Variants in IMMP2L observed in about 807,000 individuals in gnomAD.
IMMP2L encodes mitochondrial inner membrane protease subunit 2.
IMMP2L carries 18 observed loss-of-function variants against 19.3 expected under a neutral mutation model. That is an observed-to-expected ratio of 0.93 (90% CI 0.64 to 1.38). IMMP2L has a LOEUF of 1.38. Ranked by LOEUF, IMMP2L falls within the 40% of genes most tolerant of loss-of-function variation. IMMP2L has a pLI of 0.00. For missense variants in IMMP2L, 233 were observed against 218.2 expected, an observed-to-expected ratio of 1.07 and a Z score of -0.43; for synonymous variants, 76 against 73.0, an observed-to-expected ratio of 1.04 and a Z score of -0.21.
At chr7:110,819,069 C>T (rs1434385939) in intron 5 of IMMP2L, among the ~76,000 whole-genome samples, 2 of 151,616 alleles carry the variant, frequency 1.3e-5, no homozygotes, top group East Asian at 3.9e-4. Context: ...TGTAACAAAC[C>T]TGCACATTGT....
intron 4 of IMMP2L, among the ~76,000 whole-genome samples, chr7:110,908,169 C>G (rs1012599982): frequency 6.6e-6 from 1 of 152,124 alleles, no homozygotes; most frequent in Non-Finnish European, 1.5e-5. Flanking sequence ...AAAGCCTTAT[C>G]TTTATAAACA....
intron 3 of IMMP2L, among the ~76,000 whole-genome samples, chr7:111,273,986 G>A (rs1194678154): frequency 2.0e-5 from 3 of 151,966 alleles, no homozygotes; most frequent in African/African-American, 7.3e-5. Context: ...AGTTTCTTCA[G>A]TCAACATATA....
intron 3 of IMMP2L, among the ~76,000 whole-genome samples, chr7:111,334,418 A>C (rs955479175): frequency 6.6e-6 from 1 of 152,076 alleles, no homozygotes; most frequent in Non-Finnish European, 1.5e-5. Flanking sequence ...TGGCAGAATA[A>C]TATTCCACTG....
At chr7:111,348,820 C>T (rs889870148) in intron 3 of IMMP2L, among the ~76,000 whole-genome samples, 1 of 152,054 alleles carries the variant, frequency 6.6e-6, no homozygotes, top group African/African-American at 2.4e-5. Context: ...ACTCTGACAT[C>T]CAAGGGTTCT....
At chr7:111,182,302 G>C (rs1311353563) in intron 3 of IMMP2L, among the ~76,000 whole-genome samples, 2 of 151,912 alleles carry the variant, frequency 1.3e-5, no homozygotes, top group Admixed American at 6.6e-5. Context: ...TTGTTTTCTA[G>C]TTTCTATTAC....
At chr7:110,881,017 A>T (rs927064227) in intron 5 of IMMP2L, among the ~76,000 whole-genome samples, 2 of 152,104 alleles carry the variant, frequency 1.3e-5, no homozygotes, top group Non-Finnish European at 2.9e-5. Context: ...GGGTGACATT[A>T]TTTATTTCAC....
At chr7:111,249,889 T>C (rs1361390958) in intron 3 of IMMP2L, among the ~76,000 whole-genome samples, 9 of 152,114 alleles carry the variant, frequency 5.9e-5, no homozygotes, top group African/African-American at 1.9e-4. Context: ...CAACACAGTA[T>C]TGGAAGTTCT....
At chr7:111,003,965 A>T (rs1824009481) in intron 3 of IMMP2L, among the ~76,000 whole-genome samples, 1 of 152,192 alleles carries the variant, frequency 6.6e-6, no homozygotes, top group Admixed American at 6.5e-5. Context: ...CTCACCTAGT[A>T]CCTATTGATA....
At position 111,154,494 on chromosome 7, in the gene IMMP2L, C is replaced by G. The variant is rs141829301; in HGVS notation, c.240-190929G>C. ...AAACTTCACCATGAAAAGAACATCC[C>G]TTTTTACCACTACAATTGTTATATT... On this transcript the variant is annotated intron_variant, in intron 3 of 5. Transcript: ENST00000405709. 8.7e-3 allele frequency among the ~76,000 whole-genome samples: 1,321 copies of G among 152,156 alleles called. 9 individuals carry two copies. The highest frequency in any genetic ancestry group is 0.024 in the South Asian group (116 of 4,816).
intron 3 of IMMP2L, among the ~76,000 whole-genome samples, chr7:111,168,982 T>C (rs1343309349): frequency 2.0e-5 from 3 of 151,850 alleles, no homozygotes; most frequent in Non-Finnish European, 4.4e-5. Flanking sequence ...AAAAGAGTTA[T>C]GAATATTATA....
chr7:110,721,328 T>G (rs1031951069), intron 5 of IMMP2L, among the ~76,000 whole-genome samples: 12 of 152,118 alleles, frequency 7.9e-5, no homozygotes, highest in African/African-American at 2.9e-4. Context: ...GGCCAGTATA[T>G]GGCAAATAGT....
chr7:110,680,227 G>A (rs1002350991), intron 5 of IMMP2L, among the ~76,000 whole-genome samples: 3 of 152,068 alleles, frequency 2.0e-5, no homozygotes, highest in Admixed American at 1.3e-4. Context: ...CATTATCTTT[G>A]TTCATTATAA....
chr7:111,538,716 G>C (rs778294769), intron 1 of IMMP2L, among the ~76,000 whole-genome samples: 7 of 149,228 alleles, frequency 4.7e-5, no homozygotes, highest in Non-Finnish European at 8.9e-5. Context: ...AGGCTGAGGT[G>C]GGAGGATCAC....
At chr7:111,477,972 T>A (rs916695450) in intron 3 of IMMP2L, among the ~76,000 whole-genome samples, 4 of 152,152 alleles carry the variant, frequency 2.6e-5, no homozygotes. Context: ...TGTGCTTTCA[T>A]TGTATTTATT....
intron 5 of IMMP2L, among the ~76,000 whole-genome samples, chr7:110,820,922 C>A (rs1483561900): frequency 6.6e-6 from 1 of 152,024 alleles, no homozygotes; most frequent in Non-Finnish European, 1.5e-5. Flanking sequence ...TATCTCCAAT[C>A]TCCCTCCACT....
chr7:111,290,268 C>T (rs531550672), intron 3 of IMMP2L, among the ~76,000 whole-genome samples: 72 of 152,064 alleles, frequency 4.7e-4, no homozygotes, highest in Non-Finnish European at 6.9e-4. Context: ...CTGTTGAATC[C>T]TTTCATACTC....
intron 3 of IMMP2L, among the ~76,000 whole-genome samples, chr7:111,146,081 G>A (rs1803435065): frequency 6.6e-6 from 1 of 152,078 alleles, no homozygotes; most frequent in African/African-American, 2.4e-5. Context: ...AATAAGTGAA[G>A]AGAAGTTGTA....
chr7:111,303,409 G>A (rs1250545543), intron 3 of IMMP2L, among the ~76,000 whole-genome samples: 2 of 151,898 alleles, frequency 1.3e-5, no homozygotes, highest in African/African-American at 2.4e-5. Context: ...CAAATTTTTT[G>A]TTTGTTTACA....
chr7:110,834,424 C>T (rs1250312854), intron 5 of IMMP2L, among the ~76,000 whole-genome samples: 1 of 151,848 alleles, frequency 6.6e-6, no homozygotes, highest in Non-Finnish European at 1.5e-5. Flanking sequence ...AACATATACA[C>T]ATTAGCTCAA....
Sources: allele counts gnomAD v4.1 joint callset (sites outside exome capture counted in the v4.1 genomes callset), GRCh38; gene constraint gnomAD v4.1.1; transcripts MANE v1.5; gene names NCBI Gene and HGNC (gene_info 2026-07-23, HGNC 2026-07-21).